Variants in AGBL3 observed in about 807,000 individuals in gnomAD.
The protein encoded by AGBL3 is AGBL carboxypeptidase 3.
In AGBL3, 68 loss-of-function variants were observed where a neutral mutation model predicts 94.5. The observed-to-expected ratio is 0.72, with a 90% CI of 0.59 to 0.88. The LOEUF (loss-of-function observed/expected upper bound fraction) is 0.88, where lower values mean the gene tolerates loss of function less well. Among genes scored for constraint, AGBL3 ranks in the 40% least tolerant of loss-of-function variants. The probability of loss-of-function intolerance (pLI) is 0.00; values close to 1 mark genes in which losing one functional copy is unlikely to be tolerated. For synonymous variants in AGBL3, 354 were observed against 370.7 expected (o/e 0.95, Z 0.52); for missense variants, 934 against 1,103.8 (o/e 0.85, Z 2.18).
intron 4 of AGBL3, among the ~76,000 whole-genome samples, chr7:135,002,929 C>T (rs1267668375): frequency 2.0e-5 from 3 of 152,166 alleles, no homozygotes; most frequent in Non-Finnish European, 4.4e-5. Flanking sequence ...TCTTCTCGAT[C>T]TCTAAGTGCT....
intron 4 of AGBL3, among the ~76,000 whole-genome samples, chr7:135,008,373 T>G (rs1293427511): frequency 6.6e-6 from 1 of 152,098 alleles, no homozygotes; most frequent in African/African-American, 2.4e-5. Context: ...GCAAGACTAT[T>G]CAATAGGAAG....
chr7:135,032,710 T>G (rs1815895680), intron 5 of AGBL3, 134 bp from the exon 6 acceptor site: 1 of 697,090 alleles, frequency 1.4e-6, no homozygotes, highest in Middle Eastern at 2.7e-4. Context: ...TTTCAACATG[T>G]CTATATAAAT....
chr7:135,030,159 A>T (rs1401034901), intron 5 of AGBL3, among the ~76,000 whole-genome samples: 9 of 102,446 alleles, frequency 8.8e-5, no homozygotes, highest in African/African-American at 2.3e-4. Flanking sequence ...TTAATTTGTT[A>T]AAAAAAAAAA....
At chr7:135,019,927 A>C (rs1814243037) in intron 5 of AGBL3, among the ~76,000 whole-genome samples, 2 of 152,116 alleles carry the variant, frequency 1.3e-5, no homozygotes, top group African/African-American at 4.8e-5. Flanking sequence ...TGGATTAAAG[A>C]CTTAAATGTT....
chr7:135,029,162 A>G (rs1474018801), intron 5 of AGBL3, among the ~76,000 whole-genome samples: 2 of 152,170 alleles, frequency 1.3e-5, no homozygotes, highest in Non-Finnish European at 2.9e-5. Context: ...ATTGGCTTCC[A>G]CTTAAAGTCA....
intron 15 of AGBL3, chr7:135,094,598 G>C (rs958437823): frequency 1.8e-5 from 8 of 453,360 alleles, no homozygotes; most frequent in African/African-American, 1.6e-4. Context: ...AAGGGGAGAA[G>C]AAGAGTAAAC....
At chr7:135,085,269 G>T (rs1000976461) in intron 15 of AGBL3, among the ~76,000 whole-genome samples, 1 of 152,064 alleles carries the variant, frequency 6.6e-6, no homozygotes, top group Non-Finnish European at 1.5e-5. Flanking sequence ...CAGATAGTTT[G>T]CAAATGTTTT....
chr7:135,052,433 T>C (rs1177166185), intron 11 of AGBL3, among the ~76,000 whole-genome samples: 6 of 152,172 alleles, frequency 3.9e-5, no homozygotes, highest in Non-Finnish European at 7.3e-5. Flanking sequence ...GCACTTTTTT[T>C]CCATAGATTC....
chr7:135,044,698 C>A (rs1817185049), intron 9 of AGBL3, among the ~76,000 whole-genome samples: 1 of 151,850 alleles, frequency 6.6e-6, no homozygotes. Context: ...TACTTTTCAG[C>A]TTGTTTTTTT....
chr7:135,071,146 C>G (rs1264126792), intron 12 of AGBL3, among the ~76,000 whole-genome samples: 1 of 152,046 alleles, frequency 6.6e-6, no homozygotes. Context: ...AATAAAATAC[C>G]TAGGAATCCA....
At chr7:135,025,918 CGTTT>C (rs1387766553) in intron 5 of AGBL3, among the ~76,000 whole-genome samples, 2 of 151,392 alleles carry the variant, frequency 1.3e-5, no homozygotes, top group African/African-American at 4.8e-5. Flanking sequence ...AATGGCGCAT[CGTTT>C]CATAAAAGTT....
At chr7:135,081,876 G>A in intron 15 of AGBL3, 86 bp downstream of exon 15, 1 of 864,232 alleles carries the variant, frequency 1.2e-6, no homozygotes, top group Non-Finnish European at 1.7e-6. Context: ...AAATACACAG[G>A]GGAAACAGTA....
At chr7:134,994,869 C>T (rs1207386732) in intron 4 of AGBL3, among the ~76,000 whole-genome samples, 3 of 152,158 alleles carry the variant, frequency 2.0e-5, no homozygotes, top group Admixed American at 6.5e-5. Context: ...CACTTCCTTA[C>T]ACATCTCTTC....
chr7:135,050,510 T>C (rs1435335445), intron 11 of AGBL3, among the ~76,000 whole-genome samples: 1 of 152,020 alleles, frequency 6.6e-6, no homozygotes, highest in East Asian at 1.9e-4. Context: ...TATTGCCGTT[T>C]CTCTCTTCGG....
intron 3 of AGBL3, among the ~76,000 whole-genome samples, chr7:134,990,838 G>A (rs1028352068): frequency 6.6e-6 from 1 of 152,124 alleles, no homozygotes; most frequent in Non-Finnish European, 1.5e-5. Flanking sequence ...GGGTTATCTT[G>A]ATGTTAACAT....
At chr7:135,046,485 C>T (rs1295958900) in intron 11 of AGBL3, among the ~76,000 whole-genome samples, 1 of 152,064 alleles carries the variant, frequency 6.6e-6, no homozygotes, top group African/African-American at 2.4e-5. Context: ...ACCATCTCTC[C>T]CTACTAACCC....
chr7:135,041,665 A>G (rs544623745), intron 8 of AGBL3, among the ~76,000 whole-genome samples: 1 of 152,278 alleles, frequency 6.6e-6, no homozygotes, highest in Non-Finnish European at 1.5e-5. Flanking sequence ...AAATACCAAA[A>G]GCATTATCCA....
At chr7:134,989,826 CTTTT>C (rs560118999) in intron 3 of AGBL3, among the ~76,000 whole-genome samples, 1 of 147,298 alleles carries the variant, frequency 6.8e-6, no homozygotes, top group Non-Finnish European at 1.5e-5. Context: ...AGGCCTTTAT[CTTTT>C]TTTTTTTCTT....
chr7:135,076,576 T>C (rs1032548427), intron 13 of AGBL3, 108 bp downstream of exon 13: 4 of 868,650 alleles, frequency 4.6e-6, no homozygotes, highest in Admixed American at 5.7e-5. Flanking sequence ...CCAGGAGAAG[T>C]TAAAATTTTG....
Sources: gnomAD v4.1 joint callset for allele counts (sites outside exome capture counted in the v4.1 genomes callset) on GRCh38, gnomAD v4.1.1 for gene constraint, MANE v1.5 for transcripts, NCBI Gene and HGNC (gene_info 2026-07-23, HGNC 2026-07-21) for gene names.